SH3BP4: variants seen among roughly 807,000 people sequenced by gnomAD.
The protein encoded by SH3BP4 is SH3 domain-binding protein 4.
A neutral mutation model predicts 65.5 loss-of-function variants in SH3BP4; 33 were observed. The ratio of observed to expected loss-of-function variants is 0.50; its 90% CI spans 0.38 to 0.67. SH3BP4 has a LOEUF of 0.67. Among genes scored for constraint, SH3BP4 ranks in the 30% least tolerant of loss-of-function variants. The probability of loss-of-function intolerance (pLI) is 0.00; values close to 1 mark genes in which losing one functional copy is unlikely to be tolerated. For synonymous variants in SH3BP4, 552 were observed against 545.5 expected (o/e 1.01, Z -0.17); for missense variants, 1,134 against 1,261.4 (o/e 0.90, Z 1.53).
chr2:235,020,771 C>T (rs963997789), intron 2 of SH3BP4, among the ~76,000 whole-genome samples: 1 of 152,030 alleles, frequency 6.6e-6, no homozygotes, highest in African/African-American at 2.4e-5. Context: ...TTTTGTGTAC[C>T]TATTATCTCA....
chr2:234,965,123 C>G (rs1045066642), intron 1 of SH3BP4, among the ~76,000 whole-genome samples: 1 of 152,244 alleles, frequency 6.6e-6, no homozygotes, highest in African/African-American at 2.4e-5. Context: ...AACAACACTT[C>G]AGAAACTAAG....
intron 2 of SH3BP4, among the ~76,000 whole-genome samples, chr2:235,021,259 G>A (rs908700306): frequency 4.1e-4 from 62 of 152,100 alleles, no homozygotes; most frequent in African/African-American, 1.4e-3. Context: ...AAATCCCAGT[G>A]GGAATATGTT....
Position 235,041,766 on chromosome 2 carries a change from C to T in SH3BP4, c.997C>T (p.Pro333Ser). 6.2e-7 allele frequency: 1 copy of T among 1,600,396 alleles called. No individual in the cohort carries two copies. Among genetic ancestry groups the T allele is most frequent in the East Asian group, 2.2e-5 (1 of 44,620 alleles). ...TAGCTCCGGGGGTGCTGTCCAGCTT[C>T]CTGACACCAGCATCAGCATCCACGT... The part of the protein sequence containing the change: ...LDSSGGAVQL[P>S]DTSISIHVPE... The change falls in exon 4 of 6, where the codon CCT (proline) becomes TCT (serine). Residue 333 changes from proline to serine, a missense_variant. By Grantham distance (74) the Pro-to-Ser change is moderately conservative. Transcript: ENST00000392011. This position sits in a 1 kb window ranked among gnomAD's most constrained non-coding sequence, Gnocchi z 6.0.
intron 2 of SH3BP4, among the ~76,000 whole-genome samples, chr2:234,998,507 G>T (rs533462776): frequency 3.3e-5 from 5 of 152,360 alleles, no homozygotes; most frequent in African/African-American, 9.6e-5. Flanking sequence ...TCAGACTGAG[G>T]TTCTCCAAAG....
chr2:234,953,691 T>TG (rs1320960423), intron 1 of SH3BP4, among the ~76,000 whole-genome samples: 1 of 152,202 alleles, frequency 6.6e-6, no homozygotes, highest in Admixed American at 6.5e-5. Flanking sequence ...TTTAAGGCGC[T>TG]GGGGAACATT....
intron 2 of SH3BP4, among the ~76,000 whole-genome samples, chr2:235,002,718 C>T (rs192602782): frequency 1.3e-3 from 204 of 152,246 alleles, no homozygotes; most frequent in African/African-American, 4.8e-3. Context: ...AGAGCGAGAC[C>T]CTGTCTCAAA....
chr2:235,013,427 T>G (rs1331137038), intron 2 of SH3BP4, among the ~76,000 whole-genome samples: 2 of 152,234 alleles, frequency 1.3e-5, no homozygotes, highest in African/African-American at 4.8e-5. Flanking sequence ...CTTGGCTGGT[T>G]TTCACTCAGC....
chr2:234,969,868 C>T (rs1049967727), intron 1 of SH3BP4, among the ~76,000 whole-genome samples: 3 of 152,012 alleles, frequency 2.0e-5, no homozygotes, highest in African/African-American at 7.3e-5. Flanking sequence ...TTCTCTGTCT[C>T]TCTCACACAC....
At chr2:235,018,530 T>A (rs1694756985) in intron 2 of SH3BP4, among the ~76,000 whole-genome samples, 1 of 152,190 alleles carries the variant, frequency 6.6e-6, no homozygotes, top group Non-Finnish European at 1.5e-5. Context: ...AAATCATTCT[T>A]CCACCCCTCC....
Position 235,042,061 on chromosome 2 carries a change from A to C in SH3BP4, c.1292A>C (p.Asn431Thr), listed in dbSNP as rs201491979. ...GGGCCATATGTCTCCGTCCCGCTCA[A>C]CTGCAGCTGTGGGGACACGGTCCAG... ...KEGPYVSVPLNCSCGDTVQAQ... is the reference protein window; with the variant it reads ...KEGPYVSVPLTCSCGDTVQAQ... Residue 431 changes from asparagine to threonine, a missense_variant, in exon 4 of 6, where the codon AAC (asparagine) becomes ACC (threonine). Transcript: ENST00000392011. This position sits in a 1 kb window ranked among gnomAD's most constrained non-coding sequence, Gnocchi z 7.3. 1 of 1,613,904 alleles carries C rather than the reference A, an allele frequency of 6.2e-7. No individual in the cohort carries two copies. The highest frequency in any genetic ancestry group is 8.5e-7 in the Non-Finnish European group (1 of 1,180,034).
rs767342312 is a variant in SH3BP4 at position 235,052,630 on chromosome 2, G to A, written c.2547G>A (p.Thr849=). The change falls in exon 5 of 6, where the codon ACG becomes ACA. Residue 849 remains threonine (T), a synonymous_variant. Coordinates refer to ENST00000392011, the MANE Select transcript of SH3BP4 (RefSeq NM_014521.3). The surrounding 1 kb of genome is among the most constrained non-coding windows in gnomAD (Gnocchi z 5.0). ...RLIQDFVLLT[T]AVEVAQRWRE... ...TCCAGGACTTTGTGCTCCTGACCAC[G>A]GCTGTAGAGGTGGCCCAGCGCTGGC... 2.0e-5 allele frequency: 31 copies of A among 1,572,206 alleles called. No individual in the cohort carries two copies. Among genetic ancestry groups the A allele is most frequent in the Admixed American group, 7.4e-5 (4 of 53,940 alleles).
In SH3BP4 at chr2:235,041,277, T is replaced by C. The variant is rs754414589; in HGVS notation, c.508T>C (p.Phe170Leu). ...CTGGAATGGGGTCCAGACCAATCCA[T>C]TTCTGAATGGGAACGTGCCCGTCAT... ...PFWNGVQTNP[F>L]LNGNVPVMPS... Residue 170 changes from phenylalanine (F) to leucine (L), a missense_variant, in exon 4 of 6, where the codon TTT (phenylalanine) becomes CTT (leucine). Physicochemically the swap from Phe to Leu is conservative, Grantham distance 22. Coordinates refer to ENST00000392011, the MANE Select transcript of SH3BP4 (RefSeq NM_014521.3). This position sits in a 1 kb window ranked among gnomAD's most constrained non-coding sequence, Gnocchi z 6.0. The C allele has an allele frequency of 1.2e-6, 2 of 1,614,044 alleles. No individual in the cohort carries two copies. The highest frequency in any genetic ancestry group is 4.5e-5 in the East Asian group (2 of 44,886).
chr2:235,046,444 C>T lies in SH3BP4; in HGVS notation c.2478+3197C>T, dbSNP rs1695862424. Among the ~76,000 whole-genome samples the T allele has an allele frequency of 6.6e-6, 1 of 151,824 alleles. No individual in the cohort carries two copies. The highest frequency in any genetic ancestry group is 2.1e-4 in the South Asian group (1 of 4,802). ...TAAATCAGCCAGGTGTGTTGGTGTGCACCTGTAGTCCCAGCTACTTGGGAG... is the reference window on the plus strand; with the variant it reads ...TAAATCAGCCAGGTGTGTTGGTGTGTACCTGTAGTCCCAGCTACTTGGGAG... On this transcript the variant is annotated intron_variant, in intron 4 of 5. Transcript: ENST00000392011. The surrounding 1 kb of genome is among the most constrained non-coding windows in gnomAD (Gnocchi z 4.2).
rs995928774 is a variant in SH3BP4, at chr2:235,045,460, C to T, written c.2478+2213C>T. Among the ~76,000 whole-genome samples, 4 of 152,142 alleles carry T rather than the reference C, an allele frequency of 2.6e-5. No homozygotes were observed. Among genetic ancestry groups the T allele is most frequent in the Admixed American group, 2.6e-4 (4 of 15,278 alleles). ...TGGGAGGGGATTTTTTGGTGGGCCT[C>T]CCTGTCCGCTCCAGGGAGGGGTGTG... On this transcript the variant is annotated intron_variant, in intron 4 of 5. Coordinates refer to ENST00000392011, the MANE Select transcript of SH3BP4 (RefSeq NM_014521.3). This position sits in a 1 kb window ranked among gnomAD's most constrained non-coding sequence, Gnocchi z 4.3.
chr2:234,985,860 G>A (rs1035180805), intron 1 of SH3BP4, among the ~76,000 whole-genome samples: 3 of 147,282 alleles, frequency 2.0e-5, no homozygotes, highest in African/African-American at 5.1e-5. Flanking sequence ...CTGGATACAC[G>A]CCTATGAGCT....
In SH3BP4 at chr2:234,987,825, C is replaced by A. The variant is rs567197633; in HGVS notation, c.-206-7478C>A. On this transcript the variant is annotated intron_variant, in intron 1 of 5. Transcript: ENST00000392011. ...AAGTCTAGAAGAATCATTAAAAATA[C>A]AAGGAAAAGCCGAGTGTGCATGGGT... 6.4e-4 allele frequency among the ~76,000 whole-genome samples: 97 copies of A among 152,242 alleles called. 1 individual carries two copies. Among genetic ancestry groups the A allele is most frequent in the African/African-American group, 2.1e-3 (89 of 41,538 alleles).
rs1224413530 is a variant in SH3BP4, at chr2:235,054,236, G to A, written c.*420G>A. 1 of 158,488 alleles carries A rather than the reference G, an allele frequency of 6.3e-6. No individual in the cohort carries two copies. Among genetic ancestry groups the A allele is most frequent in the Admixed American group, 6.0e-5 (1 of 16,800 alleles). 9.8% of individuals were successfully genotyped at this position (158,488 alleles called of 1,614,324 possible). On this transcript the variant is annotated 3_prime_UTR_variant, in exon 6 of 6. Coordinates refer to ENST00000392011, the MANE Select transcript of SH3BP4 (RefSeq NM_014521.3). ...TGTATATAGGTATTTAAAGGTCACTGGGAGCGTTTCTGATTCCCGGCCACA... is the reference window on the plus strand; with the variant it reads ...TGTATATAGGTATTTAAAGGTCACTAGGAGCGTTTCTGATTCCCGGCCACA...
chr2:235,012,980 C>T (rs184198355), intron 2 of SH3BP4, among the ~76,000 whole-genome samples: 45 of 152,314 alleles, frequency 3.0e-4, no homozygotes, highest in Non-Finnish European at 5.6e-4. Flanking sequence ...CGAATGTGCA[C>T]GCTCCCTAAA....
intron 1 of SH3BP4, chr2:234,979,854 C>T (rs1693312302): frequency 6.6e-6 from 1 of 151,694 alleles, no homozygotes; most frequent in South Asian, 2.1e-4. Flanking sequence ...AGGACCCCTC[C>T]CCAGTCTAGC....
Sources: allele counts gnomAD v4.1 joint callset (sites outside exome capture counted in the v4.1 genomes callset), GRCh38; gene constraint gnomAD v4.1.1; non-coding constraint Gnocchi (gnomAD v3.1); transcripts MANE v1.5; gene names NCBI Gene and HGNC (gene_info 2026-07-23, HGNC 2026-07-21).